ZNF841: variants seen among roughly 807,000 people sequenced by gnomAD.
ZNF841 encodes zinc finger protein 841.
A neutral mutation model predicts 13.0 loss-of-function variants in ZNF841; 11 were observed. The observed-to-expected ratio is 0.85, with a 90% CI of 0.53 to 1.40. The LOEUF (loss-of-function observed/expected upper bound fraction) is 1.40, where lower values mean the gene tolerates loss of function less well. Among genes scored for constraint, ZNF841 ranks in the 40% most tolerant of loss-of-function variants. ZNF841 has a pLI of 0.00. For missense variants in ZNF841, 1,068 were observed against 1,139.5 expected, an observed-to-expected ratio of 0.94 and a Z score of 0.90; for synonymous variants, 369 against 381.6, an observed-to-expected ratio of 0.97 and a Z score of 0.38.
At position 52,078,701 on chromosome 19, in the gene ZNF841, A is replaced by G. The variant is rs1040054120; in HGVS notation, c.16-1617T>C. ...GTGACAGAGCAAGACTCCATCTCGG[A>G]AAAAAAAAAAAAAAAAGTTTTTAAA... is the stretch of plus-strand genomic sequence containing the variant. On this transcript the variant is annotated intron_variant, in intron 4 of 6. Coordinates refer to ENST00000594440, the MANE Select transcript of ZNF841 (RefSeq NM_001136499.2). Among the ~76,000 whole-genome samples, 9 of 89,318 alleles carry G rather than the reference A, an allele frequency of 1.0e-4. No homozygotes were observed. The East Asian group carries it at 1.3e-3, about 13-fold the overall frequency. 58.6% of individuals were successfully genotyped at this position (89,318 alleles called of 152,430 possible).
At chr19:52,061,634 C>T (rs1268307753), downstream of ZNF841, among the ~76,000 whole-genome samples, 1 of 152,198 alleles carries the variant, frequency 6.6e-6, no homozygotes, top group Admixed American at 6.5e-5. Context: ...GCAACCTCCA[C>T]CTCCCAGGTT....
At chr19:52,061,492 C>T (rs2123184261), downstream of ZNF841, among the ~76,000 whole-genome samples, 1 of 152,138 alleles carries the variant, frequency 6.6e-6, no homozygotes, top group South Asian at 2.1e-4. Flanking sequence ...CCCACCCCCA[C>T]CACCAAAGGA....
At chr19:52,082,957 G>A (rs368316780) in intron 4 of ZNF841, among the ~76,000 whole-genome samples, 7 of 152,054 alleles carry the variant, frequency 4.6e-5, no homozygotes, top group African/African-American at 1.7e-4. Context: ...GTAGGTGCCT[G>A]TAGTCCCAGC....
rs756444324 is a variant in ZNF841 at position 52,066,648 on chromosome 19, G to A, written c.1234C>T (p.Arg412Trp). Residue 412 changes from arginine (R) to tryptophan (W), a missense_variant, in exon 7 of 7, where the codon CGG (arginine) becomes TGG (tryptophan). Coordinates refer to ENST00000594440, the MANE Select transcript of ZNF841 (RefSeq NM_001136499.2). ...KCNECGKTFKRNSSLTAHHII... is the reference protein window; with the variant it reads ...KCNECGKTFKWNSSLTAHHII... ...TGATGTGCAGTGAGGCTTGAGTTCCGTTTAAAGGTTTTGCCACATTCATTA... is the reference window on the plus strand; with the variant it reads ...TGATGTGCAGTGAGGCTTGAGTTCCATTTAAAGGTTTTGCCACATTCATTA... 42 of 1,612,732 alleles carry A rather than the reference G, an allele frequency of 2.6e-5. No individual in the cohort carries two copies. Among genetic ancestry groups the A allele is most frequent in the South Asian group, 6.6e-5 (6 of 90,970 alleles).
intron 6 of ZNF841, 102 bp downstream of exon 6, chr19:52,075,942 A>T: frequency 7.0e-7 from 1 of 1,436,358 alleles, no homozygotes; most frequent in Non-Finnish European, 9.3e-7. Context: ...TCTGGAGCTC[A>T]CAGAAAATCA....
intron 6 of ZNF841, among the ~76,000 whole-genome samples, chr19:52,068,074 C>T (rs148916310): frequency 8.6e-5 from 13 of 151,956 alleles, no homozygotes; most frequent in African/African-American, 2.9e-4. Flanking sequence ...ATTAATAAAA[C>T]ATTCTAATAG....
chr19:52,092,415 A>G (rs2088526558), intron 2 of ZNF841, among the ~76,000 whole-genome samples: 2 of 152,194 alleles, frequency 1.3e-5, no homozygotes, highest in South Asian at 4.1e-4. Flanking sequence ...TAATCATCAG[A>G]GGAATGCTAA....
At chr19:52,094,557 C>T (rs547090651) in intron 1 of ZNF841, among the ~76,000 whole-genome samples, 3 of 152,146 alleles carry the variant, frequency 2.0e-5, no homozygotes, top group South Asian at 4.2e-4. Flanking sequence ...TGCCTCTTTT[C>T]CCCCATCTAA....
chr19:52,059,390 T>TATATATATATACACACAC, the ZNF841 span, among the ~76,000 whole-genome samples: 25 of 96,340 alleles, frequency 2.6e-4, no homozygotes, highest in African/African-American at 9.6e-4. Context: ...TATATATATA[T>TATATATATATACACACAC]ACACACACAC....
At chr19:52,064,386 A>AAC (rs2087470703), downstream of ZNF841, 11 of 147,742 alleles carry the variant, frequency 7.4e-5, no homozygotes, top group Non-Finnish European at 1.5e-4. Context: ...AAAAAAAAAA[A>AAC]AAACTTAGCT....
chr19:52,064,353 C>CAAAAAAAAAAAAAA (rs56135758), downstream of ZNF841: 6 of 35,450 alleles, frequency 1.7e-4, 1 homozygote, highest in Non-Finnish European at 3.2e-4. Flanking sequence ...ACTCCGTCTC[C>CAAAAAAAAAAAAAA]AAAAAAAAAA....
chr19:52,067,583 T>C lies in ZNF841; in HGVS notation c.299A>G (p.Glu100Gly). ...TGISPKCVIK[E>G]LPPIQNSNTG... ...GTTACTGTTCTGTATTGGTGGTAAT[T>C]CCTTGATCACACATTTAGGAGAGAT... The change falls in exon 7 of 7, where the codon GAA becomes GGA. Residue 100 changes from glutamate to glycine, a missense_variant. Glu to Gly is a moderately conservative substitution (Grantham distance 98). Transcript: ENST00000594440. The C allele has an allele frequency of 6.5e-7, 1 of 1,548,722 alleles. No homozygotes were observed. Among genetic ancestry groups the C allele is most frequent in the Non-Finnish European group, 8.7e-7 (1 of 1,152,658 alleles).
chr19:52,087,718 G>T (rs1442616578), intron 3 of ZNF841, among the ~76,000 whole-genome samples: 1 of 152,036 alleles, frequency 6.6e-6, no homozygotes, highest in African/African-American at 2.4e-5. Flanking sequence ...CGGCGCGGTG[G>T]CTCACACTTG....
intron 4 of ZNF841, among the ~76,000 whole-genome samples, chr19:52,082,942 C>T (rs1223881694): frequency 6.6e-6 from 1 of 151,838 alleles, no homozygotes; most frequent in Admixed American, 6.6e-5. Context: ...TAACTGGGCA[C>T]AGTGGTAGGT....
chr19:52,071,705 T>C (rs2087742947), intron 6 of ZNF841, among the ~76,000 whole-genome samples: 1 of 151,696 alleles, frequency 6.6e-6, no homozygotes, highest in Admixed American at 6.6e-5. Flanking sequence ...AGAGAATGTA[T>C]AGAAGACACA....
chr19:52,062,911 T>C (rs1305311976), downstream of ZNF841, among the ~76,000 whole-genome samples: 2 of 148,700 alleles, frequency 1.3e-5, no homozygotes, highest in African/African-American at 2.5e-5. Flanking sequence ...AGTCTTGCTC[T>C]GTCGCCCAGG....
At chr19:52,076,002 A>G in intron 6 of ZNF841, 42 bp downstream of exon 6, 1 of 1,548,706 alleles carries the variant, frequency 6.5e-7, no homozygotes, top group South Asian at 1.2e-5. Flanking sequence ...TACGCACACA[A>G]TTTCATGGTA....
At chr19:52,074,641 C>T (rs1399093957) in intron 6 of ZNF841, among the ~76,000 whole-genome samples, 1 of 152,172 alleles carries the variant, frequency 6.6e-6, no homozygotes, top group Non-Finnish European at 1.5e-5. Flanking sequence ...CTCAGCCCCC[C>T]GAGTAGCTGG....
chr19:52,067,304 C>T lies in ZNF841; in HGVS notation c.578G>A (p.Gly193Asp). 9.0e-6 allele frequency: 14 copies of T among 1,551,820 alleles called. No homozygotes were observed. Among genetic ancestry groups the T allele is most frequent in the Non-Finnish European group, 1.2e-5 (14 of 1,147,004 alleles). The change falls in exon 7 of 7, where the codon GGT (glycine) becomes GAT (aspartate). Residue 193 changes from glycine (G) to aspartate (D), a missense_variant. By Grantham distance (94) the Gly-to-Asp change is moderately conservative. Transcript: ENST00000594440. ...TGCAGTTTGAAATTTCTGCAATTCACCCAGACCGGACTGAAACCTTAATAT... is the reference window on the plus strand; with the variant it reads ...TGCAGTTTGAAATTTCTGCAATTCATCCAGACCGGACTGAAACCTTAATAT... ...QLILRFQSGL[G>D]ELQKFQTAEK... is the part of the protein sequence containing the mutation.
Sources: allele counts gnomAD v4.1 joint callset (sites outside exome capture counted in the v4.1 genomes callset), GRCh38; gene constraint gnomAD v4.1.1; transcripts MANE v1.5; gene names NCBI Gene and HGNC (gene_info 2026-07-23, HGNC 2026-07-21).